RADIL: variants seen among roughly 807,000 people sequenced by gnomAD.
RADIL encodes ras-associating and dilute domain-containing protein.
In RADIL, 99 loss-of-function variants were observed where a neutral mutation model predicts 97.6. The ratio of observed to expected loss-of-function variants is 1.01; its 90% confidence interval spans 0.86 to 1.20. RADIL has a LOEUF of 1.20. RADIL is among the 50% of genes most tolerant of loss of function. The probability of loss-of-function intolerance (pLI) is 0.00; values close to 1 mark genes in which losing one functional copy is unlikely to be tolerated. For synonymous variants in RADIL, 803 were observed against 691.8 expected, an observed-to-expected ratio of 1.16 and a Z score of -2.52; for missense variants, 1,765 against 1,498.9, an observed-to-expected ratio of 1.18 and a Z score of -2.93.
In RADIL at chr7:4,799,229, C is replaced by T. The variant is rs2115147097; in HGVS notation, c.*149G>A. ...TATAAATAGAACCTACACTGAGATG[C>T]ATGTTATCAACAGGCATGTCCCCAG... On this transcript the variant is annotated 3_prime_UTR_variant, in exon 15 of 15. Transcript: ENST00000399583. 1.6e-6 allele frequency: 1 copy of T among 635,706 alleles called. No individual in the cohort carries two copies. 39.4% of individuals were successfully genotyped at this position (635,706 alleles called of 1,614,324 possible).
chr7:4,799,323 A>C lies in RADIL; in HGVS notation c.*55T>G, dbSNP rs535985608. On this transcript the variant is annotated 3_prime_UTR_variant, in exon 15 of 15. Coordinates refer to ENST00000399583, the MANE Select transcript of RADIL (RefSeq NM_018059.5). ...CAGGGACGAAGGCGGGAGGAAGCCC[A>C]GTGTCACCAGGTGGGACCGGGTGCC... is the stretch of plus-strand genomic sequence containing the variant. The C allele has an allele frequency of 3.7e-5, 57 of 1,556,638 alleles. No individual in the cohort carries two copies. Among genetic ancestry groups the C allele is most frequent in the Non-Finnish European group, 4.8e-5 (54 of 1,130,210 alleles).
In RADIL at chr7:4,834,854, C is replaced by A. The variant is rs756049141; in HGVS notation, c.1169G>T (p.Gly390Val). Residue 390 changes from glycine to valine, a missense_variant, in exon 4 of 15, where the codon GGA becomes GTA. Transcript: ENST00000399583. This position sits in a 1 kb window ranked among gnomAD's most constrained non-coding sequence, Gnocchi z 6.0. ...RLCGAALGAR[G>V]AASPTQAALP... ...GGCGGCCTGAGTAGGGGAGGCGGCT[C>A]CCCGGGCCCCGAGCGCGGCCCCGCA... 1 of 1,322,220 alleles carries A rather than the reference C, an allele frequency of 7.6e-7. No homozygotes were observed. The highest frequency in any genetic ancestry group is 9.7e-7 in the Non-Finnish European group (1 of 1,035,776). 81.9% of individuals were successfully genotyped at this position (1,322,220 alleles called of 1,614,324 possible).
At position 4,878,052 on chromosome 7, in the gene RADIL, G is replaced by A. The variant is rs766024008; in HGVS notation, c.88C>T (p.Arg30Trp). Residue 30 changes from arginine (R) to tryptophan (W), a missense_variant, in exon 2 of 15, where the codon CGG becomes TGG. Coordinates refer to ENST00000399583, the MANE Select transcript of RADIL (RefSeq NM_018059.5). This position sits in a 1 kb window ranked among gnomAD's most constrained non-coding sequence, Gnocchi z 4.1. ...QSQLLSSMLS[R>W]TLSYKYRDLD... ...TCCCGGTACTTGTAGCTCAGCGTCC[G>A]GGACAGCATGCTGGACAACAGCTGG... The A allele has an allele frequency of 9.4e-6, 15 of 1,603,648 alleles. No homozygotes were observed. Among genetic ancestry groups the A allele is most frequent in the South Asian group, 5.6e-5 (5 of 89,472 alleles).
Position 4,799,625 on chromosome 7 carries a change from G to T in RADIL, c.3122+5C>A, listed in dbSNP as rs758912031. ...AGGGGCCGGGCGTGCATGCGGTGGGGGTACCTCAGGTAGCCAAGGCCCAGG... is the reference window on the plus strand; with the variant it reads ...AGGGGCCGGGCGTGCATGCGGTGGGTGTACCTCAGGTAGCCAAGGCCCAGG... On this transcript the variant is annotated splice_donor_5th_base_variant and intron_variant, in intron 14 of 14. Coordinates refer to ENST00000399583, the MANE Select transcript of RADIL (RefSeq NM_018059.5). 1 of 1,605,360 alleles carries T rather than the reference G, an allele frequency of 6.2e-7. No individual in the cohort carries two copies. Among genetic ancestry groups the T allele is most frequent in the South Asian group, 1.1e-5 (1 of 90,142 alleles).
At chr7:4,845,093 AT>A (rs1440181662) in intron 2 of RADIL, among the ~76,000 whole-genome samples, 1 of 152,040 alleles carries the variant, frequency 6.6e-6, no homozygotes, top group Non-Finnish European at 1.5e-5. Flanking sequence ...TGAAAATTAT[AT>A]TTACAGAATA....
intron 11 of RADIL, among the ~76,000 whole-genome samples, chr7:4,802,701 T>TGGG (rs1297115400): frequency 4.2e-5 from 4 of 95,382 alleles, no homozygotes; most frequent in Non-Finnish European, 8.4e-5. Context: ...GCACGCTGGC[T>TGGG]GGGTCCCCTC....
At chr7:4,816,750 TG>T (rs1782689027) in intron 7 of RADIL, among the ~76,000 whole-genome samples, 1 of 151,828 alleles carries the variant, frequency 6.6e-6, no homozygotes, top group Non-Finnish European at 1.5e-5. Context: ...AGGTGGCGCC[TG>T]GGGGGATGGG....
chr7:4,866,924 A>G (rs1407467765), intron 2 of RADIL, among the ~76,000 whole-genome samples: 2 of 152,170 alleles, frequency 1.3e-5, no homozygotes, highest in African/African-American at 2.4e-5. Context: ...CAGATCGAGA[A>G]TGGATTGGTT....
rs755484174 is a variant in RADIL at position 4,819,226 on chromosome 7, C to T, written c.1616-1875G>A. 6.6e-6 allele frequency among the ~76,000 whole-genome samples: 1 copy of T among 152,068 alleles called. No individual in the cohort carries two copies. Among genetic ancestry groups the T allele is most frequent in the Non-Finnish European group, 1.5e-5 (1 of 68,016 alleles). ...AGCTAGGACTACAGGCACATGCCAC[C>T]ATGCCTGGCTAATTTTTGTATTTTT... On this transcript the variant is annotated intron_variant, in intron 6 of 14. Transcript: ENST00000399583. This position sits in a 1 kb window ranked among gnomAD's most constrained non-coding sequence, Gnocchi z 5.8.
Position 4,803,669 on chromosome 7 carries a change from C to T in RADIL, c.2376G>A (p.Leu792=), listed in dbSNP as rs1393413598. 1.3e-6 allele frequency: 2 copies of T among 1,554,368 alleles called. No individual in the cohort carries two copies. The highest frequency in any genetic ancestry group is 1.9e-5 in the Admixed American group (1 of 51,344). ...GCAGGTGCTGGTAGATGCTGTCGTC[C>T]AGGCAGTTGGCTTCCAAGTCCACCT... is the stretch of plus-strand genomic sequence containing the variant. ...GFQVDLEANC[L]DDSIYQHLLY... is the part of the protein sequence containing the mutation. Residue 792 remains leucine, a synonymous_variant, in exon 11 of 15, where the codon CTG becomes CTA. Coordinates refer to ENST00000399583, the MANE Select transcript of RADIL (RefSeq NM_018059.5).
At chr7:4,861,871 C>CA in intron 2 of RADIL, 122 of 1,214,618 alleles carry the variant, frequency 1.0e-4, no homozygotes, top group Non-Finnish European at 1.2e-4. Context: ...CGGCCGCCGC[C>CA]CGGGTCATGA....
Position 4,799,760 on chromosome 7 carries a change from G to C in RADIL, c.2992C>G (p.Leu998Val), listed in dbSNP as rs778883112. The C allele has an allele frequency of 1.2e-5, 18 of 1,536,782 alleles. No individual in the cohort carries two copies. The South Asian group carries it at 2.2e-4, about 18-fold the overall frequency. ...MGLIDGMHTH[L>V]GAPGLYIQTL... ...TGGATGTAGAGCCCGGGGGCGCCCA[G>C]GTGCGTGTGCTGGGGACAAGCAGAG... is the stretch of plus-strand genomic sequence containing the variant. Residue 998 changes from leucine (L) to valine (V), a missense_variant, in exon 14 of 15, where the codon CTG becomes GTG. Coordinates refer to ENST00000399583, the MANE Select transcript of RADIL (RefSeq NM_018059.5).
intron 2 of RADIL, among the ~76,000 whole-genome samples, chr7:4,845,590 C>T (rs6964780): frequency 0.53 from 80,008 of 151,924 alleles, 22,049 homozygotes; most frequent in African/African-American, 0.7. Context: ...GGTGATTTCT[C>T]CTCCTTTCTC....
At chr7:4,877,094 A>G (rs1784392327) in intron 2 of RADIL, among the ~76,000 whole-genome samples, 1 of 152,188 alleles carries the variant, frequency 6.6e-6, no homozygotes, top group African/African-American at 2.4e-5. Flanking sequence ...TATTGCAAGA[A>G]TATATCAGGA....
In RADIL at chr7:4,799,055, C is replaced by T. The variant is rs974641198; in HGVS notation, c.*323G>A. The T allele has an allele frequency of 1.2e-4, 38 of 324,884 alleles. No individual in the cohort carries two copies. The highest frequency in any genetic ancestry group is 1.1e-3 in the East Asian group (15 of 13,090). 20.1% of individuals were successfully genotyped at this position (324,884 alleles called of 1,614,324 possible). A position where few individuals can be genotyped will look rare whatever the true frequency, so the allele number is the denominator to read the frequency against. The stretch of plus-strand genomic sequence containing the variant: ...CCATGGGGAGCCCCTGCGGCCCCTC[C>T]GAGCAGCCCACGCCTGCTGCCCGAG... On this transcript the variant is annotated 3_prime_UTR_variant, in exon 15 of 15. Coordinates refer to ENST00000399583, the MANE Select transcript of RADIL (RefSeq NM_018059.5).
At chr7:4,800,534 C>G (rs186688027) in intron 12 of RADIL, among the ~76,000 whole-genome samples, 1 of 152,132 alleles carries the variant, frequency 6.6e-6, no homozygotes, top group African/African-American at 2.4e-5. Context: ...GCACCTCAGT[C>G]CCCGCCCCTG....
intron 9 of RADIL, chr7:4,806,081 C>G (rs917347089): frequency 8.1e-6 from 8 of 982,894 alleles, no homozygotes; most frequent in Non-Finnish European, 9.7e-6. Flanking sequence ...TCAATCAAGT[C>G]GGCTAAAAAC....
chr7:4,853,836 G>C (rs1783766285), intron 2 of RADIL, among the ~76,000 whole-genome samples: 1 of 151,828 alleles, frequency 6.6e-6, no homozygotes, highest in Non-Finnish European at 1.5e-5. Flanking sequence ...TGAAAGAGAA[G>C]ACTATCATTG....
chr7:4,826,453 C>T lies in RADIL; in HGVS notation c.1455-3899G>A, dbSNP rs1328054938. Among the ~76,000 whole-genome samples the T allele has an allele frequency of 2.0e-5, 3 of 151,926 alleles. No homozygotes were observed. In the East Asian group the frequency reaches 5.8e-4, roughly 29 times the overall value. ...GAGTTTTTAAAAATCCAGTCAGAAG[C>T]CAGTTGTGATGGCTCACACCTGTAA... On this transcript the variant is annotated intron_variant, in intron 5 of 14. Transcript: ENST00000399583.
Sources: gnomAD v4.1 joint callset for allele counts (sites outside exome capture counted in the v4.1 genomes callset) on GRCh38, gnomAD v4.1.1 for gene constraint, Gnocchi (gnomAD v3.1) non-coding constraint, MANE v1.5 for transcripts, NCBI Gene and HGNC (gene_info 2026-07-23, HGNC 2026-07-21) for gene names.